The following LAMA2 variants were observed in gnomAD, a reference collection of about 807,000 sequenced individuals.
LAMA2 encodes laminin subunit alpha 2.
A neutral mutation model predicts 364.8 loss-of-function variants in LAMA2; 269 were observed. The ratio of observed to expected loss-of-function variants is 0.74; its 90% CI spans 0.67 to 0.82. The LOEUF is 0.82. LAMA2 is among the 40% of genes least tolerant of loss of function. The pLI is 0.00. For synonymous variants in LAMA2, 1,379 were observed against 1,370.6 expected (o/e 1.01, Z -0.14); for missense variants, 3,807 against 3,873.2 (o/e 0.98, Z 0.45).
chr6:129,111,924 A>T (rs576167546), intron 4 of LAMA2, among the ~76,000 whole-genome samples: 78 of 152,026 alleles, frequency 5.1e-4, no homozygotes, highest in Non-Finnish European at 9.9e-4. Flanking sequence ...GGTTACCAGT[A>T]GTAAGTTTGG....
At chr6:129,294,653 T>C (rs1367539458) in intron 20 of LAMA2, among the ~76,000 whole-genome samples, 1 of 152,174 alleles carries the variant, frequency 6.6e-6, no homozygotes, top group East Asian at 1.9e-4. Flanking sequence ...TTCAGTCCAT[T>C]ACAGAGCACC....
intron 12 of LAMA2, among the ~76,000 whole-genome samples, chr6:129,237,071 G>A (rs532743220): frequency 2.8e-4 from 43 of 152,208 alleles, no homozygotes; most frequent in African/African-American, 1.0e-3. Context: ...AGTACTCAAT[G>A]CTTCAATTCC....
chr6:129,264,253 G>A (rs890839693), intron 15 of LAMA2, among the ~76,000 whole-genome samples: 1 of 152,134 alleles, frequency 6.6e-6, no homozygotes, highest in African/African-American at 2.4e-5. Flanking sequence ...AGGACTTACT[G>A]ATTCGAGACT....
intron 56 of LAMA2, among the ~76,000 whole-genome samples, chr6:129,487,079 A>G (rs1784625181): frequency 6.6e-6 from 1 of 152,118 alleles, no homozygotes; most frequent in Admixed American, 6.5e-5. Context: ...CAGCTGCAGG[A>G]CCTATTGAGC....
At chr6:129,090,254 C>T (rs896958627) in intron 3 of LAMA2, among the ~76,000 whole-genome samples, 8 of 152,150 alleles carry the variant, frequency 5.3e-5, no homozygotes, top group African/African-American at 1.9e-4. Context: ...AGTTTTCAAC[C>T]CATCCACATC....
At chr6:129,190,146 G>A in intron 10 of LAMA2, 59 bp from the exon 11 acceptor site, 1 of 1,546,164 alleles carries the variant, frequency 6.5e-7, no homozygotes, top group Non-Finnish European at 8.9e-7. Context: ...ATACAGACAT[G>A]GACGCAGCTC....
At chr6:128,958,690 G>A (rs1781296121) in intron 1 of LAMA2, among the ~76,000 whole-genome samples, 1 of 152,082 alleles carries the variant, frequency 6.6e-6, no homozygotes, top group Admixed American at 6.6e-5. Context: ...TTTTAAAGGA[G>A]ATTAAATATA....
chr6:129,286,016 A>G (rs1789086423), intron 18 of LAMA2, among the ~76,000 whole-genome samples: 1 of 152,152 alleles, frequency 6.6e-6, no homozygotes, highest in South Asian at 2.1e-4. Context: ...TCATCAATGT[A>G]TCTGCACCAA....
At chr6:128,933,258 G>GTC (rs1554328794) in intron 1 of LAMA2, among the ~76,000 whole-genome samples, 2,302 of 148,884 alleles carry the variant, frequency 0.015, 65 homozygotes, top group African/African-American at 0.056. Context: ...GTGTGTGTGT[G>GTC]TGTGTGTCTG....
chr6:129,098,482 G>C (rs1196212696), intron 4 of LAMA2, 67 bp downstream of exon 4: 1 of 1,513,574 alleles, frequency 6.6e-7, no homozygotes, highest in Non-Finnish European at 9.2e-7. Context: ...AGAAAGACCT[G>C]AATATATCAG....
At chr6:129,013,353 C>A (rs375497458) in intron 1 of LAMA2, among the ~76,000 whole-genome samples, 1 of 151,870 alleles carries the variant, frequency 6.6e-6, no homozygotes, top group Non-Finnish European at 1.5e-5. Flanking sequence ...AGGAGAATGG[C>A]GGGAACCCGG....
At chr6:128,988,973 T>C (rs1273525218) in intron 1 of LAMA2, among the ~76,000 whole-genome samples, 1 of 152,152 alleles carries the variant, frequency 6.6e-6, no homozygotes, top group African/African-American at 2.4e-5. Context: ...ATTATTTGTC[T>C]TCAAGAAAAC....
At chr6:129,408,890 C>G (rs533521860) in intron 40 of LAMA2, among the ~76,000 whole-genome samples, 90 of 152,262 alleles carry the variant, frequency 5.9e-4, no homozygotes, top group African/African-American at 2.0e-3. Context: ...TATTAAAATC[C>G]TCCTCAGCTG....
At chr6:128,922,912 C>T (rs143795286) in intron 1 of LAMA2, among the ~76,000 whole-genome samples, 33,188 of 151,150 alleles carry the variant, frequency 0.22, 5,422 homozygotes, top group African/African-American at 0.47. Flanking sequence ...GATCCAGTTT[C>T]AGCTTTCTAC....
chr6:129,306,059 T>G (rs892881340), intron 22 of LAMA2, among the ~76,000 whole-genome samples: 1 of 152,026 alleles, frequency 6.6e-6, no homozygotes, highest in African/African-American at 2.4e-5. Flanking sequence ...TATATTGTCA[T>G]ATATTTTTAC....
At chr6:129,194,739 C>G (rs1781738323) in intron 12 of LAMA2, among the ~76,000 whole-genome samples, 1 of 152,164 alleles carries the variant, frequency 6.6e-6, no homozygotes, top group African/African-American at 2.4e-5. Context: ...GCCTTAATAA[C>G]TGAACCATGT....
chr6:129,112,720 C>CAG (rs1328357050), intron 4 of LAMA2, among the ~76,000 whole-genome samples: 3 of 148,960 alleles, frequency 2.0e-5, no homozygotes, highest in East Asian at 2.0e-4. Flanking sequence ...TACAAGATTA[C>CAG]AGAGAGAGAG....
intron 1 of LAMA2, among the ~76,000 whole-genome samples, chr6:128,975,411 T>C (rs574882109): frequency 1.3e-5 from 2 of 152,198 alleles, no homozygotes; most frequent in South Asian, 4.1e-4. Context: ...TTGAGCACTT[T>C]AGCTTGGGAG....
Position 129,402,489 on chromosome 6 carries a change from T to TA in LAMA2, c.5726+3dup. 1 of 1,613,992 alleles carries TA rather than the reference T, an allele frequency of 6.2e-7. No homozygotes were observed. Among genetic ancestry groups the TA allele is most frequent in the Non-Finnish European group, 8.5e-7 (1 of 1,179,906 alleles). ...TGACTCATCTGCTGTCCTTGATGGG[T>TA]ATGTCATTTGTTTTTGGAAATGTTT... On this transcript the variant is annotated splice_region_variant and intron_variant, in intron 39 of 64. Coordinates refer to ENST00000421865, the MANE Select transcript of LAMA2 (RefSeq NM_000426.4).
Sources: gnomAD v4.1 joint callset for allele counts (sites outside exome capture counted in the v4.1 genomes callset) on GRCh38, gnomAD v4.1.1 for gene constraint, MANE v1.5 for transcripts, NCBI Gene and HGNC (gene_info 2026-07-23, HGNC 2026-07-21) for gene names.